HDAC9: variants seen among roughly 807,000 people sequenced by gnomAD.
HDAC9 encodes histone deacetylase 9.
HDAC9 carries 41 observed loss-of-function variants against 139.4 expected under a neutral mutation model. That is an observed-to-expected ratio of 0.29 (90% CI 0.23 to 0.38). HDAC9 has a LOEUF of 0.38. Among genes scored for constraint, HDAC9 ranks in the 10% least tolerant of loss-of-function variants. The probability of loss-of-function intolerance (pLI) is 1.00; values close to 1 mark genes in which losing one functional copy is unlikely to be tolerated. For missense variants in HDAC9, 1,147 were observed against 1,297.0 expected (o/e 0.88, Z 1.78); for synonymous variants, 517 against 476.2 (o/e 1.09, Z -1.12).
At chr7:18,568,026 G>GTATGTATATATATATATATA (rs1554505029) in intron 2 of HDAC9, among the ~76,000 whole-genome samples, 1 of 126,814 alleles carries the variant, frequency 7.9e-6, no homozygotes. Flanking sequence ...ATATGTATAT[G>GTATGTATATATATATATATA]TATATATATA....
At chr7:18,219,776 G>T (rs928065132) in intron 2 of HDAC9, among the ~76,000 whole-genome samples, 17 of 152,156 alleles carry the variant, frequency 1.1e-4, no homozygotes, top group African/African-American at 4.1e-4. Flanking sequence ...TTTGGTTTTT[G>T]ATATTTTCAT....
intron 21 of HDAC9, among the ~76,000 whole-genome samples, chr7:18,874,234 G>GT (rs35536284): frequency 0.33 from 46,691 of 143,342 alleles, 7,479 homozygotes; most frequent in South Asian, 0.52. Context: ...CTGCAAAGCA[G>GT]TTTTTTTTTT....
chr7:18,835,767 G>T (rs887721523), intron 20 of HDAC9, 133 bp from the exon 21 acceptor site: 6 of 1,002,038 alleles, frequency 6.0e-6, no homozygotes, highest in Admixed American at 4.2e-5. Flanking sequence ...CTGTTTGTCA[G>T]GGAAGGTTGG....
chr7:18,769,401 G>T (rs968215536), intron 16 of HDAC9, among the ~76,000 whole-genome samples: 8 of 152,118 alleles, frequency 5.3e-5, no homozygotes, highest in Non-Finnish European at 2.9e-5. Flanking sequence ...CCCTAGAGCT[G>T]ACCTCACCTG....
chr7:18,556,599 G>T (rs180679310), intron 2 of HDAC9, among the ~76,000 whole-genome samples: 4 of 151,608 alleles, frequency 2.6e-5, no homozygotes, highest in Non-Finnish European at 5.9e-5. Flanking sequence ...ACTAATTTCT[G>T]TCTCAATCCA....
At chr7:18,447,783 G>A (rs1297824884) in intron 1 of HDAC9, among the ~76,000 whole-genome samples, 1 of 152,064 alleles carries the variant, frequency 6.6e-6, no homozygotes, top group Non-Finnish European at 1.5e-5. Context: ...AACTCCTTTG[G>A]CTCCTATAGT....
chr7:18,881,283 AAATT>A (rs1799718546), intron 22 of HDAC9, among the ~76,000 whole-genome samples: 1 of 152,134 alleles, frequency 6.6e-6, no homozygotes. Context: ...AGGATAAGAT[AAATT>A]AGTTTCCTCA....
chr7:18,365,167 G>T (rs1184636957), intron 1 of HDAC9, among the ~76,000 whole-genome samples: 62 of 152,092 alleles, frequency 4.1e-4, no homozygotes, highest in Non-Finnish European at 5.9e-5. Context: ...AGGGCTGTTT[G>T]CTGGGAGTAA....
At chr7:18,123,085 C>G (rs779890724) in intron 1 of HDAC9, among the ~76,000 whole-genome samples, 4 of 152,146 alleles carry the variant, frequency 2.6e-5, no homozygotes, top group Admixed American at 6.5e-5. Context: ...TAATAAATAG[C>G]CCAATACCTA....
At chr7:18,967,509 A>ATCCC (rs1563092948) in intron 24 of HDAC9, among the ~76,000 whole-genome samples, 2 of 130,878 alleles carry the variant, frequency 1.5e-5, no homozygotes, top group African/African-American at 6.0e-5. Flanking sequence ...CCCCCCCCAA[A>ATCCC]AAAAAAAAAG....
chr7:18,826,228 T>C (rs181304301), intron 17 of HDAC9, among the ~76,000 whole-genome samples: 10 of 152,262 alleles, frequency 6.6e-5, no homozygotes, highest in Admixed American at 5.2e-4. Flanking sequence ...TGGGGGTAGG[T>C]GCAGTGGACT....
chr7:18,288,645 CTT>C (rs907196011), upstream of HDAC9, among the ~76,000 whole-genome samples: 48 of 151,902 alleles, frequency 3.2e-4, no homozygotes, highest in African/African-American at 1.1e-3. Context: ...AAACTATGAG[CTT>C]TGTGTTAGGT....
chr7:18,993,296 C>T (rs1786150065), intron 25 of HDAC9, among the ~76,000 whole-genome samples: 1 of 152,176 alleles, frequency 6.6e-6, no homozygotes, highest in African/African-American at 2.4e-5. Flanking sequence ...CTTACATTAA[C>T]TCGTTTCAAT....
In HDAC9 at chr7:18,333,012, A is replaced by T. The variant is rs374178587; in HGVS notation, c.-42+42497A>T. 3.8e-4 allele frequency among the ~76,000 whole-genome samples: 58 copies of T among 151,734 alleles called. No homozygotes were observed. The East Asian group carries it at 9.9e-3, about 26-fold the overall frequency. ...AAAATTTATGTTTATGTCATGCCAA[A>T]TATAGTTGCTGATATTGTTAGGTAT... On this transcript the variant is annotated intron_variant, in intron 1 of 3. Coordinates refer to the HDAC9 transcript ENST00000413509.
chr7:18,631,554 G>A (rs2128981472), intron 7 of HDAC9, among the ~76,000 whole-genome samples: 1 of 152,030 alleles, frequency 6.6e-6, no homozygotes, highest in Middle Eastern at 3.4e-3. Flanking sequence ...TGCTTTTGCT[G>A]TTATCCTCTT....
intron 12 of HDAC9, among the ~76,000 whole-genome samples, chr7:18,714,164 C>G (rs544547315): frequency 6.6e-6 from 1 of 152,164 alleles, no homozygotes; most frequent in East Asian, 1.9e-4. Context: ...AGCTGGAGTA[C>G]AAACCAAGGA....
chr7:18,272,958 ACTAC>A (rs1796458696), intron 2 of HDAC9, among the ~76,000 whole-genome samples: 1 of 99,812 alleles, frequency 1.0e-5, no homozygotes, highest in African/African-American at 3.4e-5. Flanking sequence ...TACTACTACT[ACTAC>A]TACTATTTCT....
At chr7:18,305,158 A>G (rs1035489212) in intron 1 of HDAC9, among the ~76,000 whole-genome samples, 2 of 151,936 alleles carry the variant, frequency 1.3e-5, no homozygotes, top group African/African-American at 2.4e-5. Context: ...TATTTCCTCC[A>G]TAGCCCACTT....
intron 2 of HDAC9, among the ~76,000 whole-genome samples, chr7:18,504,770 A>G (rs1799307135): frequency 6.6e-6 from 1 of 152,220 alleles, no homozygotes; most frequent in African/African-American, 2.4e-5. Flanking sequence ...TGTTGCAGCA[A>G]TATTGGTGTT....
Sources: gnomAD v4.1 joint callset for allele counts (sites outside exome capture counted in the v4.1 genomes callset) on GRCh38, gnomAD v4.1.1 for gene constraint, MANE v1.5 for transcripts, NCBI Gene and HGNC (gene_info 2026-07-23, HGNC 2026-07-21) for gene names.